The following FTCDNL1 variants were observed in gnomAD, a reference collection of about 807,000 sequenced individuals.
The protein encoded by FTCDNL1 is formiminotransferase N-terminal subdomain-containing protein.
In FTCDNL1, 11 loss-of-function variants were observed where a neutral mutation model predicts 5.9. The observed-to-expected ratio is 1.87, with a 90% CI of 1.18 to 3.10. The LOEUF (loss-of-function observed/expected upper bound fraction) is 3.10. Among genes scored for constraint, FTCDNL1 ranks in the 30% most tolerant of loss-of-function variants. The pLI is 0.00. For missense variants in FTCDNL1, 115 were observed against 65.5 expected, an observed-to-expected ratio of 1.76 and a Z score of -2.61; for synonymous variants, 58 against 24.8, an observed-to-expected ratio of 2.34 and a Z score of -3.99.
chr2:199,760,500 T>C, downstream of FTCDNL1: 2 of 324,048 alleles, frequency 6.2e-6, no homozygotes, highest in Non-Finnish European at 5.9e-6. Flanking sequence ...ACACCTTGTA[T>C]ATAAGAGGGT....
chr2:199,671,113 G>A, the FTCDNL1 span, among the ~76,000 whole-genome samples: 8 of 151,580 alleles, frequency 5.3e-5, no homozygotes, highest in South Asian at 4.2e-4. Context: ...TGGCTTGCCC[G>A]GGAAGTGGGA....
rs117025379 is a variant in FTCDNL1 at position 199,809,467 on chromosome 2, T to G, written c.*3238A>C. Among the ~76,000 whole-genome samples the G allele has an allele frequency of 1.3e-5, 2 of 152,184 alleles. No individual in the cohort carries two copies. The highest frequency in any genetic ancestry group is 2.4e-5 in the African/African-American group (1 of 41,444). ...TAAAGAAGATCACAGTCTTTCTTGC[T>G]AAACTCAATTTGTGGAAAAATTCAT... On this transcript the variant is annotated 3_prime_UTR_variant, in exon 5 of 5. Transcript: ENST00000420128.
In FTCDNL1 at chr2:199,844,109, C is replaced by T. The variant is rs546982886; in HGVS notation, c.211+1966G>A. 1.4e-4 allele frequency among the ~76,000 whole-genome samples: 22 copies of T among 152,050 alleles called. No homozygotes were observed. The South Asian group carries it at 4.4e-3, about 30-fold the overall frequency. On this transcript the variant is annotated intron_variant, in intron 3 of 4. Coordinates refer to ENST00000420128, the MANE Select transcript of FTCDNL1 (RefSeq NM_001363886.2). ...AGCCTAAAAGACTTACTAGAAACTGCTATTGTTTCCTCAAGATCTACTGTG... is the reference window on the plus strand; with the variant it reads ...AGCCTAAAAGACTTACTAGAAACTGTTATTGTTTCCTCAAGATCTACTGTG...
the FTCDNL1 span, among the ~76,000 whole-genome samples, chr2:199,684,134 A>C: frequency 1.3e-5 from 2 of 152,250 alleles, no homozygotes; most frequent in Non-Finnish European, 2.9e-5. Context: ...AATTATCTCC[A>C]TGCCAAATTG....
In FTCDNL1 at chr2:199,851,027, C is replaced by A. The variant is rs1574720331; in HGVS notation, c.-295G>T. ...GCGCTGCCCCGGCCGAGCTCTCGAACCAGCGGCCGCGCCTGCCGCTCTGCG... is the reference window on the plus strand; with the variant it reads ...GCGCTGCCCCGGCCGAGCTCTCGAAACAGCGGCCGCGCCTGCCGCTCTGCG... On this transcript the variant is annotated 5_prime_UTR_variant, in exon 1 of 5. Transcript: ENST00000420128. 6.6e-6 allele frequency: 1 copy of A among 150,696 alleles called. No individual in the cohort carries two copies. Among genetic ancestry groups the A allele is most frequent in the Non-Finnish European group, 1.5e-5 (1 of 67,140 alleles). The allele number at this position is 150,696 out of a possible 1,614,324, so 9.3% of individuals were successfully genotyped here.
At chr2:199,849,985 C>A (rs1198328935) in intron 1 of FTCDNL1, among the ~76,000 whole-genome samples, 1 of 152,206 alleles carries the variant, frequency 6.6e-6, no homozygotes, top group African/African-American at 2.4e-5. Flanking sequence ...AACTCTGAGA[C>A]ACGCGTTAAA....
intron 3 of FTCDNL1, among the ~76,000 whole-genome samples, chr2:199,787,658 C>T (rs2106349731): frequency 6.6e-6 from 1 of 152,244 alleles, no homozygotes; most frequent in African/African-American, 2.4e-5. Context: ...AAGAGAGAAG[C>T]ATTCTTTGAA....
At chr2:199,772,742 A>G (rs528933313) in intron 3 of FTCDNL1, among the ~76,000 whole-genome samples, 2 of 152,332 alleles carry the variant, frequency 1.3e-5, no homozygotes, top group South Asian at 4.1e-4. Context: ...ATTATCACAG[A>G]AAAGGAAGAG....
intron 3 of FTCDNL1, among the ~76,000 whole-genome samples, chr2:199,837,173 C>T (rs1702807170): frequency 6.6e-6 from 1 of 152,182 alleles, no homozygotes; most frequent in African/African-American, 2.4e-5. Flanking sequence ...TGGCAATATG[C>T]ATTTATGAGC....
chr2:199,786,311 GT>G (rs1699646746), intron 3 of FTCDNL1, among the ~76,000 whole-genome samples: 1 of 151,882 alleles, frequency 6.6e-6, no homozygotes, highest in African/African-American at 2.4e-5. Flanking sequence ...AAAAAGGGGT[GT>G]CACTTAGCCC....
the FTCDNL1 span, among the ~76,000 whole-genome samples, chr2:199,710,940 G>A: frequency 1.3e-5 from 2 of 152,210 alleles, no homozygotes; most frequent in Non-Finnish European, 2.9e-5. Context: ...GTTCTATAGA[G>A]TGCCACAGAG....
chr2:199,664,308 GTTC>G, the FTCDNL1 span, among the ~76,000 whole-genome samples: 8 of 152,122 alleles, frequency 5.3e-5, no homozygotes, highest in South Asian at 2.1e-4. Context: ...TAATCCATAT[GTTC>G]TTCTCTCATT....
downstream of FTCDNL1, among the ~76,000 whole-genome samples, chr2:199,804,437 A>G (rs1700620448): frequency 6.6e-6 from 1 of 152,244 alleles, no homozygotes; most frequent in South Asian, 2.1e-4. Context: ...TTTAAATTAT[A>G]TAATTACATT....
chr2:199,700,140 C>A, the FTCDNL1 span, among the ~76,000 whole-genome samples: 1 of 152,014 alleles, frequency 6.6e-6, no homozygotes, highest in Non-Finnish European at 1.5e-5. Flanking sequence ...TGATTCTATA[C>A]CTAGAAACCC....
intron 3 of FTCDNL1, among the ~76,000 whole-genome samples, chr2:199,788,357 T>C (rs572727790): frequency 1.3e-5 from 2 of 152,284 alleles, no homozygotes; most frequent in South Asian, 4.1e-4. Context: ...TAGTAGATAT[T>C]TTAGCACAGC....
At chr2:199,715,327 C>T in the FTCDNL1 span, among the ~76,000 whole-genome samples, 1 of 152,116 alleles carries the variant, frequency 6.6e-6, no homozygotes, top group Non-Finnish European at 1.5e-5. Flanking sequence ...CCATAATCCC[C>T]ATGTGTCATG....
chr2:199,851,185 C>G lies in FTCDNL1; in HGVS notation c.-453G>C, dbSNP rs2106635321. The G allele has an allele frequency of 6.7e-6, 1 of 149,662 alleles. No individual in the cohort carries two copies. Among genetic ancestry groups the G allele is most frequent in the African/African-American group, 2.4e-5 (1 of 41,248 alleles). The allele number at this position is 149,662 out of a possible 1,614,324, so 9.3% of individuals were successfully genotyped here. A position where few individuals can be genotyped will look rare whatever the true frequency, so the allele number is the denominator to read the frequency against. On this transcript the variant is annotated 5_prime_UTR_variant, in exon 1 of 5. Transcript: ENST00000420128. ...CGTGGCCCGCGCGCAGCGTCTGCCGCCGGCTCCGCCTCCCGGACGCCCGGA... is the reference window on the plus strand; with the variant it reads ...CGTGGCCCGCGCGCAGCGTCTGCCGGCGGCTCCGCCTCCCGGACGCCCGGA...
chr2:199,684,211 T>C, the FTCDNL1 span, among the ~76,000 whole-genome samples: 4 of 152,226 alleles, frequency 2.6e-5, no homozygotes, highest in Non-Finnish European at 5.9e-5. Flanking sequence ...TACTTAATTA[T>C]TGTACTGTGA....
chr2:199,842,575 T>A (rs2076619843), intron 3 of FTCDNL1, among the ~76,000 whole-genome samples: 1 of 152,240 alleles, frequency 6.6e-6, no homozygotes, highest in African/African-American at 2.4e-5. Flanking sequence ...CAGTTATTTA[T>A]AAATCCTCTG....
Sources: allele counts gnomAD v4.1 joint callset (sites outside exome capture counted in the v4.1 genomes callset), GRCh38; gene constraint gnomAD v4.1.1; transcripts MANE v1.5; gene names NCBI Gene and HGNC (gene_info 2026-07-23, HGNC 2026-07-21).